MX1: variants seen among roughly 807,000 people sequenced by gnomAD.
MX1 encodes MX dynamin like GTPase 1.
In MX1, 66 loss-of-function variants were observed where a neutral mutation model predicts 66.4. That is an observed-to-expected ratio of 0.99 (90% confidence interval 0.82 to 1.22). MX1 has a LOEUF of 1.22. MX1 is among the 50% of genes most tolerant of loss of function. The pLI, the probability that MX1 is intolerant of heterozygous loss-of-function variation, is 0.00. For synonymous variants in MX1, 311 were observed against 318.1 expected (o/e 0.98, Z 0.24); for missense variants, 787 against 834.3 (o/e 0.94, Z 0.70).
intron 16 of MX1, among the ~76,000 whole-genome samples, chr21:41,454,158 A>G (rs2090903481): frequency 6.6e-6 from 1 of 152,218 alleles, no homozygotes; most frequent in Non-Finnish European, 1.5e-5. Context: ...CAGCCGTTTC[A>G]AAATATGTCC....
chr21:41,448,832 T>G lies in MX1; in HGVS notation c.1274-305T>G, dbSNP rs569045075. 5.9e-5 allele frequency among the ~76,000 whole-genome samples: 9 copies of G among 152,078 alleles called. No homozygotes were observed. The South Asian group carries it at 1.9e-3, about 32-fold the overall frequency. On this transcript the variant is annotated intron_variant, in intron 13 of 16. Transcript: ENST00000398598. ...AACAAACAAATGAAAAAAAAGGGTC[T>G]TACTCGAAGTTTCTGCGTATGTGGG...
rs944918802 is a variant in MX1, at chr21:41,445,307, G to C, written c.1009-141G>C. The C allele has an allele frequency of 6.2e-4, 619 of 999,496 alleles. 1 individual carries two copies. The highest frequency in any genetic ancestry group is 7.4e-4 in the Non-Finnish European group (496 of 670,782). The allele number at this position is 999,496 out of a possible 1,614,324, so 61.9% of individuals were successfully genotyped here. On this transcript the variant is annotated intron_variant, in intron 11 of 16. Coordinates refer to ENST00000398598, the MANE Select transcript of MX1 (RefSeq NM_002462.5). ...TGTGTGCCCCCCTGCACCTCCCCCG[G>C]GTCTGGAAAAGCTTCCTTTTAGAGG... is the stretch of plus-strand genomic sequence containing the variant.
intron 16 of MX1, among the ~76,000 whole-genome samples, chr21:41,456,102 T>A (rs944153705): frequency 6.6e-6 from 1 of 152,052 alleles, no homozygotes; most frequent in African/African-American, 2.4e-5. Flanking sequence ...AAATTAGCTG[T>A]GCATGGTGGC....
intron 4 of MX1, among the ~76,000 whole-genome samples, chr21:41,431,151 T>G (rs1476173038): frequency 1.3e-5 from 2 of 152,122 alleles, no homozygotes; most frequent in African/African-American, 4.8e-5. Flanking sequence ...GCCTCCCAAG[T>G]AGCTGGGACT....
At position 41,441,009 on chromosome 21, in the gene MX1, G is replaced by A; in HGVS notation, c.714G>A (p.Glu238=). The A allele has an allele frequency of 1.2e-6, 2 of 1,614,042 alleles. No homozygotes were observed. Among genetic ancestry groups the A allele is most frequent in the Non-Finnish European group, 1.7e-6 (2 of 1,180,024 alleles). Residue 238 remains glutamate, a synonymous_variant, in exon 9 of 17, where the codon GAG becomes GAA. Coordinates refer to ENST00000398598, the MANE Select transcript of MX1 (RefSeq NM_002462.5). This position sits in a 1 kb window ranked among gnomAD's most constrained non-coding sequence, Gnocchi z 4.0. ...GCATGGCCCAGGAGGTGGACCCCGA[G>A]GGAGACAGGACCATCGGTGAGAGTG... ...ALSMAQEVDP[E]GDRTIGILTK...
intron 10 of MX1, 132 bp from the exon 11 acceptor site, chr21:41,443,656 G>T: frequency 1.3e-6 from 1 of 756,758 alleles, no homozygotes; most frequent in Non-Finnish European, 2.4e-6. Context: ...GTATTTGTTG[G>T]GTACCAACTG....
chr21:41,441,696 C>G lies in MX1; in HGVS notation c.731-20C>G. 1.2e-6 allele frequency: 2 copies of G among 1,613,770 alleles called. No individual in the cohort carries two copies. Among genetic ancestry groups the G allele is most frequent in the Non-Finnish European group, 1.7e-6 (2 of 1,179,728 alleles). On this transcript the variant is annotated intron_variant, in intron 9 of 16. Transcript: ENST00000398598. The surrounding 1 kb of genome is among the most constrained non-coding windows in gnomAD (Gnocchi z 4.0). ...CTCGTGACTGAGCACGTTCTCTCCC[C>G]AAATACATCTGGCTCGCAGGAATCT...
chr21:41,445,301 C>T, intron 11 of MX1, 147 bp from the exon 12 acceptor site: 2 of 936,810 alleles, frequency 2.1e-6, no homozygotes, highest in Non-Finnish European at 3.2e-6. Flanking sequence ...CCCTGCACCT[C>T]CCCCGGGTCT....
At chr21:41,437,249 T>C in intron 7 of MX1, 97 bp downstream of exon 7, 1 of 1,381,094 alleles carries the variant, frequency 7.2e-7, no homozygotes, top group African/African-American at 1.4e-5. Flanking sequence ...GCCTGTGCTG[T>C]CAGGACACCT....
intron 16 of MX1, among the ~76,000 whole-genome samples, chr21:41,457,127 C>T (rs967206698): frequency 2.6e-5 from 4 of 152,174 alleles, no homozygotes; most frequent in African/African-American, 9.7e-5. Flanking sequence ...TTGGCATTCT[C>T]TTATGACAAC....
At position 41,437,036 on chromosome 21, in the gene MX1, T is replaced by A. The variant is rs2090384190; in HGVS notation, c.320T>A (p.Leu107Gln). The change falls in exon 7 of 17, where the codon CTG becomes CAG. Residue 107 changes from leucine (L) to glutamine (Q), a missense_variant. Transcript: ENST00000398598. Reference sequence around the variant, plus strand: ...CTAGGGATCGTGACCAGATGCCCGCTGGTGCTGAAACTGAAGAAACTTGTG... The same window carrying A: ...CTAGGGATCGTGACCAGATGCCCGCAGGTGCTGAAACTGAAGAAACTTGTG... ...RGSGIVTRCP[L>Q]VLKLKKLVNE... 1.2e-6 allele frequency: 2 copies of A among 1,613,810 alleles called. No homozygotes were observed. The highest frequency in any genetic ancestry group is 1.7e-6 in the Non-Finnish European group (2 of 1,179,864).
chr21:41,422,944 TG>T (rs2090007615), upstream of MX1: 3 of 152,236 alleles, frequency 2.0e-5, no homozygotes, highest in Admixed American at 2.0e-4. Flanking sequence ...CTCTAGCTGA[TG>T]TTACCGAGCG....
Position 41,452,730 on chromosome 21 carries a change from G to T in MX1, c.1619G>T (p.Gly540Val). The change falls in exon 16 of 17, where the codon GGT becomes GTT. Residue 540 changes from glycine to valine, a missense_variant. By Grantham distance (109) the Gly-to-Val change is moderately radical. Coordinates refer to ENST00000398598, the MANE Select transcript of MX1 (RefSeq NM_002462.5). ...TACTGCCAGGACCAGGTATACAGGG[G>T]TGCATTGCAGAAGGTCAGAGAGAAG... is the stretch of plus-strand genomic sequence containing the variant. The part of the protein sequence containing the change: ...IVYCQDQVYR[G>V]ALQKVREKEL... The T allele has an allele frequency of 2.5e-6, 4 of 1,614,200 alleles. No individual in the cohort carries two copies. The highest frequency in any genetic ancestry group is 3.4e-6 in the Non-Finnish European group (4 of 1,180,024).
chr21:41,431,560 C>G (rs1176474097), intron 4 of MX1, among the ~76,000 whole-genome samples: 1 of 151,702 alleles, frequency 6.6e-6, no homozygotes, highest in East Asian at 1.9e-4. Flanking sequence ...ACTGCATCCT[C>G]TGCCTGCCAG....
At position 41,451,307 on chromosome 21, in the gene MX1, A is replaced by T. The variant is rs570228573; in HGVS notation, c.1509+64A>T. ...AAGAAATTAAGCTTGACACTAGAAA[A>T]TAGATTTCTTGGATGAGGATTATTT... is the stretch of plus-strand genomic sequence containing the variant. On this transcript the variant is annotated intron_variant, in intron 15 of 16. Transcript: ENST00000398598. 1.3e-5 allele frequency: 14 copies of T among 1,063,536 alleles called. No individual in the cohort carries two copies. The East Asian group carries it at 3.1e-4, about 23-fold the overall frequency. 65.9% of individuals were successfully genotyped at this position (1,063,536 alleles called of 1,614,324 possible).
At chr21:41,443,533 C>T (rs1413211525) in intron 10 of MX1, 2 of 510,248 alleles carry the variant, frequency 3.9e-6, no homozygotes, top group Non-Finnish European at 7.1e-6. Flanking sequence ...AGTCTATAGT[C>T]AGACACCATG....
chr21:41,444,318 C>CTTTTTTTTTT (rs11317486), intron 11 of MX1, among the ~76,000 whole-genome samples: 46 of 71,542 alleles, frequency 6.4e-4, no homozygotes, highest in African/African-American at 9.2e-4. Flanking sequence ...TCTTTTCTTT[C>CTTTTTTTTTT]TTTTTTTTTT....
upstream of MX1, among the ~76,000 whole-genome samples, chr21:41,425,326 G>A (rs1035992932): frequency 1.3e-5 from 2 of 152,164 alleles, no homozygotes; most frequent in South Asian, 2.1e-4. Flanking sequence ...TGGTGGGCAG[G>A]GGTGAATCTC....
intron 14 of MX1, 71 bp from the exon 15 acceptor site, chr21:41,451,096 T>A: frequency 9.6e-7 from 1 of 1,036,530 alleles, no homozygotes. Context: ...TTGATCCTCA[T>A]ATTTTTTTGC....
Sources: gnomAD v4.1 joint callset for allele counts (sites outside exome capture counted in the v4.1 genomes callset) on GRCh38, gnomAD v4.1.1 for gene constraint, Gnocchi (gnomAD v3.1) non-coding constraint, MANE v1.5 for transcripts, NCBI Gene and HGNC (gene_info 2026-07-23, HGNC 2026-07-21) for gene names.